Variants in MYO7B observed in about 807,000 individuals in gnomAD.
MYO7B encodes myosin VIIB.
Under a neutral mutation model 259.7 loss-of-function variants are expected in MYO7B, and 212 were observed. That is an observed-to-expected ratio of 0.82 (90% CI 0.73 to 0.91). The LOEUF is 0.91. MYO7B is among the 40% of genes least tolerant of loss of function. MYO7B has a pLI of 0.00. For synonymous variants in MYO7B, 1,197 were observed against 1,166.4 expected, an observed-to-expected ratio of 1.03 and a Z score of -0.54; for missense variants, 2,732 against 2,813.5, an observed-to-expected ratio of 0.97 and a Z score of 0.66.
chr2:127,571,291 G>T (rs1271627292), intron 6 of MYO7B, among the ~76,000 whole-genome samples: 3 of 152,150 alleles, frequency 2.0e-5, no homozygotes, highest in African/African-American at 7.2e-5. Context: ...TGTGGAGCAT[G>T]CTTGTAACTC....
In MYO7B at chr2:127,612,069, C is replaced by T. The variant is rs138496671; in HGVS notation, c.3193-181C>T. ...CACACCTGGAAGTGAGGATGGGACA[C>T]GCACCTGTATGTGTGTGTGGTAAAG... On this transcript the variant is annotated intron_variant, in intron 24 of 47. Transcript: ENST00000409816. 3.5e-4 allele frequency among the ~76,000 whole-genome samples: 54 copies of T among 152,240 alleles called. 1 individual carries two copies. In the East Asian group the frequency reaches 7.2e-3, roughly 20 times the overall value.
At chr2:127,554,057 CATTT>C (rs1693549751) in intron 1 of MYO7B, among the ~76,000 whole-genome samples, 1 of 152,018 alleles carries the variant, frequency 6.6e-6, no homozygotes, top group Non-Finnish European at 1.5e-5. Context: ...TGGTGTATCA[CATTT>C]ATTTATTATT....
chr2:127,587,479 G>A (rs1214756265), intron 14 of MYO7B, among the ~76,000 whole-genome samples: 2 of 152,032 alleles, frequency 1.3e-5, no homozygotes, highest in Non-Finnish European at 1.5e-5. Context: ...TCCTTTGTAT[G>A]CAGATGGCCG....
At chr2:127,561,231 C>T (rs962407897) in intron 2 of MYO7B, among the ~76,000 whole-genome samples, 109 of 152,124 alleles carry the variant, frequency 7.2e-4, no homozygotes, top group African/African-American at 2.6e-3. Flanking sequence ...TGCAGGCCTG[C>T]TCTGTCTTCA....
intron 1 of MYO7B, among the ~76,000 whole-genome samples, chr2:127,558,423 T>C (rs1300923638): frequency 6.6e-6 from 1 of 152,248 alleles, no homozygotes; most frequent in Non-Finnish European, 1.5e-5. Flanking sequence ...ACAGCCACTA[T>C]GCAAAACAGT....
chr2:127,581,775 T>G, intron 10 of MYO7B, 116 bp from the exon 11 acceptor site: 1 of 1,419,444 alleles, frequency 7.0e-7, no homozygotes, highest in Non-Finnish European at 9.5e-7. Flanking sequence ...GCGCCCACCC[T>G]CCGGTGGGCA....
chr2:127,635,515 TG>T, intron 43 of MYO7B: 1 of 656,582 alleles, frequency 1.5e-6, no homozygotes, highest in South Asian at 1.9e-5. Context: ...ACCACATGGG[TG>T]GAGCAGGCCA....
chr2:127,637,113 C>T (rs977297811), intron 47 of MYO7B, 200 bp downstream of exon 47: 27 of 1,031,658 alleles, frequency 2.6e-5, no homozygotes, highest in Admixed American at 9.9e-5. Context: ...GGACCCCCTG[C>T]GCCCTTGGCC....
In MYO7B at chr2:127,631,581, T is replaced by C. The variant is rs189644239; in HGVS notation, c.5096-19T>C. ...TCAGCGTGGGGCTGCCCCAGCACTG[T>C]GCTCCTTGACAGCCACACCCATCCT... is the stretch of plus-strand genomic sequence containing the variant. On this transcript the variant is annotated intron_variant, in intron 37 of 47. Coordinates refer to ENST00000409816, the MANE Select transcript of MYO7B (RefSeq NM_001393586.1). 6.2e-7 allele frequency: 1 copy of C among 1,612,126 alleles called. No individual in the cohort carries two copies. The highest frequency in any genetic ancestry group is 1.7e-5 in the Admixed American group (1 of 59,946).
chr2:127,620,297 C>A, intron 26 of MYO7B, 43 bp from the exon 27 acceptor site: 1 of 1,571,964 alleles, frequency 6.4e-7, no homozygotes, highest in South Asian at 1.2e-5. Flanking sequence ...TCCTCTCCTC[C>A]TCCAGCCCCC....
chr2:127,580,894 A>G, intron 10 of MYO7B, 72 bp downstream of exon 10: 1 of 1,415,188 alleles, frequency 7.1e-7, no homozygotes, highest in South Asian at 1.2e-5. Flanking sequence ...GACCCCTGAC[A>G]CCTGATTCTT....
intron 15 of MYO7B, among the ~76,000 whole-genome samples, chr2:127,588,860 G>A (rs1393027482): frequency 6.8e-6 from 1 of 146,102 alleles, no homozygotes; most frequent in Non-Finnish European, 1.5e-5. Context: ...AGGGTGGATG[G>A]GTAAATGGAT....
In MYO7B at chr2:127,620,439, C is replaced by T; in HGVS notation, c.3498C>T (p.Cys1166=). 1 of 1,534,574 alleles carries T rather than the reference C, an allele frequency of 6.5e-7. No individual in the cohort carries two copies. The highest frequency in any genetic ancestry group is 8.9e-7 in the Non-Finnish European group (1 of 1,128,320). The change falls in exon 27 of 48, where the codon TGC becomes TGT. Residue 1166 remains cysteine, a synonymous_variant. Transcript: ENST00000409816. ...TCCTGCTCAGCCTCTGCCTCGGCTG[C>T]TTCCCACCCTCAGAGAGGTTCATGA... is the stretch of plus-strand genomic sequence containing the variant. The part of the protein sequence containing the change: ...GWILLSLCLG[C]FPPSERFMKY...
intron 1 of MYO7B, among the ~76,000 whole-genome samples, chr2:127,543,105 C>T (rs1693072287): frequency 6.6e-6 from 1 of 152,202 alleles, no homozygotes; most frequent in South Asian, 2.1e-4. Context: ...TTTACTAATC[C>T]TCCTCAGCAC....
At chr2:127,565,829 T>C (rs1405169705) in intron 4 of MYO7B, among the ~76,000 whole-genome samples, 2 of 152,228 alleles carry the variant, frequency 1.3e-5, no homozygotes, top group Non-Finnish European at 2.9e-5. Context: ...AAACCTGGCC[T>C]GGATGGAGGT....
At chr2:127,569,746 T>TA (rs1277478045) in intron 5 of MYO7B, 43 bp from the exon 6 acceptor site, 1 of 1,576,000 alleles carries the variant, frequency 6.3e-7, no homozygotes, top group East Asian at 2.3e-5. Flanking sequence ...TTGAAAAAAA[T>TA]AGTCGTTTTG....
rs1285391352 is a variant in MYO7B, at chr2:127,574,046, C to G, written c.719C>G (p.Ser240Cys). Residue 240 changes from serine to cysteine, a missense_variant, in exon 7 of 48, where the codon TCC (serine) becomes TGC (cysteine). Ser to Cys is a moderately radical substitution (Grantham distance 112). This residue lies in a region of MYO7B where 1,906 missense variants were observed against 2,026.4 expected (regional missense o/e 0.94). Transcript: ENST00000409816. ...ARIEQFLLEK[S>C]RVCRQAPEER... is the part of the protein sequence containing the mutation. ...ATCGAGCAATTTCTCCTGGAGAAGT[C>G]CCGGGTCTGCCGGCAGGTGAGGCCT... 2 of 1,613,864 alleles carry G rather than the reference C, an allele frequency of 1.2e-6. No homozygotes were observed. The highest frequency in any genetic ancestry group is 1.7e-6 in the Non-Finnish European group (2 of 1,179,882).
intron 1 of MYO7B, among the ~76,000 whole-genome samples, chr2:127,556,251 G>A (rs1280042488): frequency 6.6e-6 from 1 of 152,150 alleles, no homozygotes; most frequent in East Asian, 1.9e-4. Flanking sequence ...TGCACAGAAT[G>A]TCTTTTTCCA....
chr2:127,609,971 C>T lies in MYO7B; in HGVS notation c.3147C>T (p.Gly1049=). ...TGCGGCAGATCCATGACACGCTGGG[C>T]AGGGAGCACGGTGCCCAGGTTCCAC... ...SVMRQIHDTL[G]REHGAQVPQH... is the part of the protein sequence containing the mutation. The change falls in exon 24 of 48, where the codon GGC becomes GGT. Residue 1049 remains glycine, a synonymous_variant. Transcript: ENST00000409816. This position sits in a 1 kb window ranked among gnomAD's most constrained non-coding sequence, Gnocchi z 6.9. The T allele has an allele frequency of 6.2e-7, 1 of 1,607,868 alleles. No individual in the cohort carries two copies. Among genetic ancestry groups the T allele is most frequent in the Non-Finnish European group, 8.5e-7 (1 of 1,177,228 alleles).
Sources: gnomAD v4.1 joint callset for allele counts (sites outside exome capture counted in the v4.1 genomes callset) on GRCh38, gnomAD v4.1.1 for gene constraint, gnomAD v4.1.1 regional missense constraint, Gnocchi (gnomAD v3.1) non-coding constraint, MANE v1.5 for transcripts, NCBI Gene and HGNC (gene_info 2026-07-23, HGNC 2026-07-21) for gene names.